Variants in CAMK1D observed in about 807,000 individuals in gnomAD.
CAMK1D encodes calcium/calmodulin dependent protein kinase ID.
A neutral mutation model predicts 47.7 loss-of-function variants in CAMK1D; 9 were observed. That is an observed-to-expected ratio of 0.19 (90% CI 0.11 to 0.33). The LOEUF (loss-of-function observed/expected upper bound fraction) is 0.33. Ranked by LOEUF, CAMK1D falls within the 10% of genes least tolerant of loss-of-function variation. CAMK1D has a pLI of 1.00. For missense variants in CAMK1D, 291 were observed against 488.7 expected, an observed-to-expected ratio of 0.60 and a Z score of 3.81; for synonymous variants, 184 against 184.9, an observed-to-expected ratio of 0.99 and a Z score of 0.04.
intron 2 of CAMK1D, among the ~76,000 whole-genome samples, chr10:12,627,390 G>A (rs970442868): frequency 6.6e-6 from 1 of 151,974 alleles, no homozygotes; most frequent in Non-Finnish European, 1.5e-5. Flanking sequence ...TGGCATATGG[G>A]TTATAATTTA....
At chr10:12,772,912 C>T (rs957843294) in intron 5 of CAMK1D, among the ~76,000 whole-genome samples, 2 of 152,104 alleles carry the variant, frequency 1.3e-5, no homozygotes, top group African/African-American at 4.8e-5. Context: ...ATCTAGAGGA[C>T]ATCCCTTAGG....
intron 6 of CAMK1D, among the ~76,000 whole-genome samples, chr10:12,798,720 CAT>C (rs1838299265): frequency 6.6e-6 from 1 of 152,164 alleles, no homozygotes; most frequent in Non-Finnish European, 1.5e-5. Context: ...CAATTAGAAA[CAT>C]AGTGTTTAAA....
At chr10:12,635,259 G>C (rs1225175455) in intron 2 of CAMK1D, among the ~76,000 whole-genome samples, 1 of 152,184 alleles carries the variant, frequency 6.6e-6, no homozygotes, top group Admixed American at 6.5e-5. Flanking sequence ...ATCCGGTTGT[G>C]TTGGATGGTA....
intron 4 of CAMK1D, among the ~76,000 whole-genome samples, chr10:12,769,271 T>C (rs1025497877): frequency 6.6e-6 from 1 of 152,272 alleles, no homozygotes; most frequent in African/African-American, 2.4e-5. Flanking sequence ...ACAGAGACCC[T>C]TGGATTCAAG....
At chr10:12,564,114 T>A in intron 2 of CAMK1D, among the ~76,000 whole-genome samples, 1 of 147,750 alleles carries the variant, frequency 6.8e-6, no homozygotes. Context: ...TCTGTCTGTC[T>A]AGATGTCTCT....
chr10:12,368,743 CA>C (rs566501661), intron 1 of CAMK1D, among the ~76,000 whole-genome samples: 308 of 124,262 alleles, frequency 2.5e-3, no homozygotes, highest in Non-Finnish European at 2.3e-3. Context: ...GACCCTGTCT[CA>C]AAAAAAAAAA....
intron 3 of CAMK1D, among the ~76,000 whole-genome samples, chr10:12,753,921 G>A (rs968428952): frequency 6.6e-6 from 1 of 151,754 alleles, no homozygotes; most frequent in African/African-American, 2.4e-5. Context: ...ACAGAGTTTC[G>A]CTCTTGTTGC....
chr10:12,460,766 T>G (rs1445050989), intron 1 of CAMK1D, among the ~76,000 whole-genome samples: 1 of 152,050 alleles, frequency 6.6e-6, no homozygotes, highest in Non-Finnish European at 1.5e-5. Flanking sequence ...GGAGTTTTGC[T>G]ATGTTGCCCA....
intron 1 of CAMK1D, among the ~76,000 whole-genome samples, chr10:12,493,828 G>T (rs891240949): frequency 3.9e-5 from 6 of 152,138 alleles, no homozygotes; most frequent in Admixed American, 6.5e-5. Flanking sequence ...GGTTATGTGG[G>T]GTGGGATCAA....
At chr10:12,495,302 C>T (rs916640788) in intron 1 of CAMK1D, among the ~76,000 whole-genome samples, 10 of 152,208 alleles carry the variant, frequency 6.6e-5, no homozygotes, top group Non-Finnish European at 1.2e-4. Context: ...ACATCCATTT[C>T]TTCTAATGAG....
intron 3 of CAMK1D, among the ~76,000 whole-genome samples, chr10:12,738,182 A>G (rs1469026580): frequency 6.6e-6 from 1 of 152,248 alleles, no homozygotes; most frequent in Non-Finnish European, 1.5e-5. Context: ...TATGAAAAAT[A>G]TTTCAGAAAT....
chr10:12,391,869 C>T (rs1838745162), intron 1 of CAMK1D, among the ~76,000 whole-genome samples: 2 of 152,108 alleles, frequency 1.3e-5, no homozygotes, highest in African/African-American at 4.8e-5. Context: ...TAGTTACTGT[C>T]ATTAACAGCT....
At chr10:12,609,095 A>G (rs1323848543) in intron 2 of CAMK1D, among the ~76,000 whole-genome samples, 1 of 152,230 alleles carries the variant, frequency 6.6e-6, no homozygotes, top group Non-Finnish European at 1.5e-5. Context: ...TAGACACTCA[A>G]CTGTGATGGA....
At chr10:12,548,577 A>G (rs747626104) in intron 1 of CAMK1D, among the ~76,000 whole-genome samples, 6 of 148,238 alleles carry the variant, frequency 4.0e-5, no homozygotes, top group Non-Finnish European at 8.9e-5. Flanking sequence ...TGATCCTCCT[A>G]CCTTAGCCTC....
At chr10:12,516,334 C>T in intron 1 of CAMK1D, among the ~76,000 whole-genome samples, 1 of 151,974 alleles carries the variant, frequency 6.6e-6, no homozygotes, top group East Asian at 1.9e-4. Context: ...GTCTTGAACC[C>T]CTGACCTCGT....
intron 3 of CAMK1D, among the ~76,000 whole-genome samples, chr10:12,753,563 C>T (rs1331021146): frequency 1.3e-5 from 2 of 152,186 alleles, no homozygotes; most frequent in Non-Finnish European, 2.9e-5. Context: ...ACCATCCACC[C>T]CGTGTGGTCC....
At chr10:12,710,984 A>G (rs571884221) in intron 3 of CAMK1D, among the ~76,000 whole-genome samples, 6 of 152,264 alleles carry the variant, frequency 3.9e-5, no homozygotes, top group Non-Finnish European at 5.9e-5. Context: ...TTTTGAATGT[A>G]TTGCTTGTGT....
At chr10:12,739,342 C>T (rs1835323240) in intron 3 of CAMK1D, among the ~76,000 whole-genome samples, 1 of 151,658 alleles carries the variant, frequency 6.6e-6, no homozygotes, top group African/African-American at 2.4e-5. Context: ...GTTGCGCCAT[C>T]TTGGCTCACT....
chr10:12,808,700 C>T (rs1394155098), intron 6 of CAMK1D, among the ~76,000 whole-genome samples: 1 of 152,106 alleles, frequency 6.6e-6, no homozygotes, highest in Non-Finnish European at 1.5e-5. Flanking sequence ...ATCACTTGAA[C>T]CCAGGAGGTG....
Sources: allele counts gnomAD v4.1 joint callset (sites outside exome capture counted in the v4.1 genomes callset), GRCh38; gene constraint gnomAD v4.1.1; transcripts MANE v1.5; gene names NCBI Gene and HGNC (gene_info 2026-07-23, HGNC 2026-07-21).